Variants in SGPL1 observed in about 807,000 individuals in gnomAD.
The protein encoded by SGPL1 is SP-lyase 1.
SGPL1 carries 37 observed loss-of-function variants against 68.9 expected under a neutral mutation model. The ratio of observed to expected loss-of-function variants is 0.54; its 90% CI spans 0.41 to 0.71. The LOEUF (loss-of-function observed/expected upper bound fraction) is 0.71, where lower values mean the gene tolerates loss of function less well. Among genes scored for constraint, SGPL1 ranks in the 30% least tolerant of loss-of-function variants. The probability of loss-of-function intolerance (pLI) is 0.00; values close to 1 mark genes in which losing one functional copy is unlikely to be tolerated. For synonymous variants in SGPL1, 236 were observed against 248.5 expected, an observed-to-expected ratio of 0.95 and a Z score of 0.47; for missense variants, 551 against 704.6, an observed-to-expected ratio of 0.78 and a Z score of 2.47.
chr10:70,822,978 A>G (rs896611502), intron 2 of SGPL1, among the ~76,000 whole-genome samples: 2 of 151,452 alleles, frequency 1.3e-5, no homozygotes, highest in East Asian at 1.9e-4. Flanking sequence ...ACATTTTTCT[A>G]TTTAAAAAGC....
rs201778732 is a variant in SGPL1 at position 70,850,582 on chromosome 10, G to A, written c.194-561G>A. Among the ~76,000 whole-genome samples, 20 of 152,252 alleles carry A rather than the reference G, an allele frequency of 1.3e-4. No homozygotes were observed. In the East Asian group the frequency reaches 3.7e-3, roughly 28 times the overall value. On this transcript the variant is annotated intron_variant, in intron 3 of 14. Coordinates refer to ENST00000373202, the MANE Select transcript of SGPL1 (RefSeq NM_003901.4). ...TTATCCTGTAGGTGTGCAGTATGGT[G>A]TGTGTTACAAGGTTATTTCAGCATG...
chr10:70,854,398 C>T (rs1589463198), intron 4 of SGPL1, among the ~76,000 whole-genome samples: 1 of 152,078 alleles, frequency 6.6e-6, no homozygotes, highest in Non-Finnish European at 1.5e-5. Context: ...TGGTCTCGAA[C>T]TCCTGACCTG....
intron 2 of SGPL1, among the ~76,000 whole-genome samples, chr10:70,830,556 A>G (rs1032469524): frequency 2.6e-5 from 4 of 152,202 alleles, no homozygotes; most frequent in African/African-American, 9.7e-5. Flanking sequence ...AGTAATGGAT[A>G]TATCTAACAA....
Position 70,873,534 on chromosome 10 carries a change from G to T in SGPL1, c.1243G>T (p.Gly415Cys), listed in dbSNP as rs976737675. 1.9e-6 allele frequency: 3 copies of T among 1,614,234 alleles called. No homozygotes were observed. The highest frequency in any genetic ancestry group is 2.5e-6 in the Non-Finnish European group (3 of 1,180,024). Residue 415 changes from glycine (G) to cysteine (C), a missense_variant, in exon 12 of 15, where the codon GGC (glycine) becomes TGC (cysteine). Gly to Cys is a radical substitution (Grantham distance 159). Coordinates refer to ENST00000373202, the MANE Select transcript of SGPL1 (RefSeq NM_003901.4). ...WAALMHFGEN[G>C]YVEATKQIIK... ...TGCCTTGATGCACTTCGGTGAGAAC[G>T]GCTATGTTGAAGCTACCAAACAGAT...
intron 3 of SGPL1, among the ~76,000 whole-genome samples, chr10:70,847,239 C>T (rs1237054912): frequency 2.6e-5 from 4 of 152,134 alleles, no homozygotes; most frequent in African/African-American, 7.2e-5. Flanking sequence ...CCTCTGCCTC[C>T]CGGGTTCAAG....
At chr10:70,816,351 C>A (rs1429558353) in intron 1 of SGPL1, among the ~76,000 whole-genome samples, 1 of 151,430 alleles carries the variant, frequency 6.6e-6, no homozygotes, top group Admixed American at 6.6e-5. Flanking sequence ...GGGTCTGGAG[C>A]CCACGCCTGC....
intron 7 of SGPL1, among the ~76,000 whole-genome samples, chr10:70,864,050 T>G (rs1461784811): frequency 1.3e-5 from 2 of 150,284 alleles, no homozygotes; most frequent in Non-Finnish European, 3.0e-5. Context: ...TTTCTTTATG[T>G]TAGGTTAGTG....
At chr10:70,852,264 T>C (rs1442220646) in intron 4 of SGPL1, among the ~76,000 whole-genome samples, 1 of 152,242 alleles carries the variant, frequency 6.6e-6, no homozygotes, top group East Asian at 1.9e-4. Context: ...AACCTTTGGC[T>C]GAAATCCATT....
chr10:70,860,328 G>A, intron 7 of SGPL1: 1 of 460,592 alleles, frequency 2.2e-6, no homozygotes, highest in South Asian at 1.6e-5. Context: ...TATAAAGACT[G>A]CAGATTTAAT....
intron 2 of SGPL1, among the ~76,000 whole-genome samples, chr10:70,821,661 T>G (rs1382776075): frequency 6.6e-6 from 1 of 152,186 alleles, no homozygotes; most frequent in East Asian, 1.9e-4. Context: ...CAACGCACAG[T>G]TTCCTGCAAA....
chr10:70,818,784 T>C (rs1218068774), intron 2 of SGPL1, among the ~76,000 whole-genome samples: 1 of 152,190 alleles, frequency 6.6e-6, no homozygotes, highest in Non-Finnish European at 1.5e-5. Flanking sequence ...ATTTCATGGA[T>C]TTTTCAGTTT....
At chr10:70,842,217 TG>T (rs1356299928) in intron 2 of SGPL1, among the ~76,000 whole-genome samples, 1 of 152,188 alleles carries the variant, frequency 6.6e-6, no homozygotes, top group Non-Finnish European at 1.5e-5. Flanking sequence ...TAGAGAATAC[TG>T]AAATGAATAT....
chr10:70,874,185 T>A (rs1388659782), intron 12 of SGPL1, among the ~76,000 whole-genome samples: 1 of 152,230 alleles, frequency 6.6e-6, no homozygotes, highest in Non-Finnish European at 1.5e-5. Flanking sequence ...AATGTATCTG[T>A]TAACATCTTA....
Position 70,876,512 on chromosome 10 carries a change from T to TTCA in SGPL1, c.1446-26_1446-24dup, listed in dbSNP as rs766354770. 14 of 1,589,774 alleles carry TTCA rather than the reference T, an allele frequency of 8.8e-6. No individual in the cohort carries two copies. In the Admixed American group the frequency reaches 1.5e-4, roughly 17 times the overall value. Reference sequence around the variant, plus strand: ...TAGAACATTTTTTCTTTCTTCAAGGTTCATCTCTCTCTGTCTCTTCTTTCC... The same window carrying TTCA: ...TAGAACATTTTTTCTTTCTTCAAGGTTCATCATCTCTCTCTGTCTCTTCTTTCC... On this transcript the variant is annotated intron_variant, in intron 13 of 14. Coordinates refer to ENST00000373202, the MANE Select transcript of SGPL1 (RefSeq NM_003901.4).
intron 9 of SGPL1, among the ~76,000 whole-genome samples, chr10:70,870,624 G>C (rs989413493): frequency 6.3e-4 from 96 of 152,066 alleles, no homozygotes; most frequent in African/African-American, 2.2e-3. Flanking sequence ...TCTAGTTTCA[G>C]TGTTCTGTCA....
chr10:70,865,426 G>A (rs1223820548), intron 7 of SGPL1, among the ~76,000 whole-genome samples: 2 of 152,170 alleles, frequency 1.3e-5, no homozygotes, highest in African/African-American at 4.8e-5. Flanking sequence ...TTCAGCACGT[G>A]TGAGGGATCA....
intron 2 of SGPL1, among the ~76,000 whole-genome samples, chr10:70,837,754 C>A (rs1845648806): frequency 6.6e-6 from 1 of 152,148 alleles, no homozygotes; most frequent in African/African-American, 2.4e-5. Flanking sequence ...GTGTCTTAGT[C>A]CATTTTCTGC....
chr10:70,853,935 G>A (rs1274077591), intron 4 of SGPL1, among the ~76,000 whole-genome samples: 1 of 152,190 alleles, frequency 6.6e-6, no homozygotes, highest in Non-Finnish European at 1.5e-5. Flanking sequence ...TGTTGAAGGA[G>A]CTCATCACTT....
At chr10:70,817,126 T>C (rs41315008) in intron 2 of SGPL1, among the ~76,000 whole-genome samples, 48,519 of 152,096 alleles carry the variant, frequency 0.32, 7,906 homozygotes, top group East Asian at 0.35. Context: ...TTCAAGCGAT[T>C]CTCCTGCCTC....
Sources: gnomAD v4.1 joint callset for allele counts (sites outside exome capture counted in the v4.1 genomes callset) on GRCh38, gnomAD v4.1.1 for gene constraint, MANE v1.5 for transcripts, NCBI Gene and HGNC (gene_info 2026-07-23, HGNC 2026-07-21) for gene names.